The following GBF1 variants were observed in gnomAD, a reference collection of about 807,000 sequenced individuals.
The protein encoded by GBF1 is Golgi-specific brefeldin A-resistance guanine nucleotide exchange factor 1.
Under a neutral mutation model 210.5 loss-of-function variants are expected in GBF1, and 114 were observed. That is an observed-to-expected ratio of 0.54 (90% CI 0.47 to 0.63). The LOEUF (loss-of-function observed/expected upper bound fraction) is 0.63, where lower values mean the gene tolerates loss of function less well. Among genes scored for constraint, GBF1 ranks in the 30% least tolerant of loss-of-function variants. The pLI is 0.00. For synonymous variants in GBF1, 850 were observed against 889.2 expected (o/e 0.96, Z 0.78); for missense variants, 1,851 against 2,357.7 (o/e 0.79, Z 4.45).
chr10:102,279,276 C>CA (rs1289759781), intron 3 of GBF1, among the ~76,000 whole-genome samples: 1 of 152,228 alleles, frequency 6.6e-6, no homozygotes, highest in Non-Finnish European at 1.5e-5. Context: ...AGAATGGCCA[C>CA]ATCACCCAGT....
intron 3 of GBF1, among the ~76,000 whole-genome samples, chr10:102,330,785 G>A (rs2057281375): frequency 6.6e-6 from 1 of 152,182 alleles, no homozygotes; most frequent in South Asian, 2.1e-4. Context: ...TCTTGTGAGG[G>A]TGGTAGATAG....
intron 3 of GBF1, among the ~76,000 whole-genome samples, chr10:102,294,210 T>G (rs1193619461): frequency 1.3e-5 from 2 of 152,028 alleles, no homozygotes; most frequent in Non-Finnish European, 2.9e-5. Flanking sequence ...AAAAATAAAT[T>G]TAATGTAGCC....
At chr10:102,280,047 C>A (rs1367262233) in intron 3 of GBF1, among the ~76,000 whole-genome samples, 1 of 151,730 alleles carries the variant, frequency 6.6e-6, no homozygotes, top group African/African-American at 2.4e-5. Context: ...TCTCTTGAAC[C>A]CCAGAAATCA....
At chr10:102,274,963 T>G (rs2074808296) in intron 3 of GBF1, among the ~76,000 whole-genome samples, 1 of 151,556 alleles carries the variant, frequency 6.6e-6, no homozygotes, top group South Asian at 2.1e-4. Context: ...CTGCCCGCCT[T>G]GGCCTCCCAA....
intron 3 of GBF1, among the ~76,000 whole-genome samples, chr10:102,279,554 G>T (rs1023132026): frequency 2.6e-5 from 4 of 152,134 alleles, no homozygotes; most frequent in African/African-American, 9.7e-5. Flanking sequence ...GAGAGAAAAG[G>T]TTAGGAGAAA....
chr10:102,231,027 G>C, the GBF1 span: 4 of 1,600,582 alleles, frequency 2.5e-6, no homozygotes, highest in Non-Finnish European at 3.4e-6. Context: ...GCGCCGCGAA[G>C]CTGCCTTTGC....
At chr10:102,272,046 CCCAG>C (rs1268149368) in intron 3 of GBF1, among the ~76,000 whole-genome samples, 1 of 152,118 alleles carries the variant, frequency 6.6e-6, no homozygotes, top group Admixed American at 6.5e-5. Flanking sequence ...AGCTATTGCG[CCCAG>C]CCTTATTTCA....
chr10:102,249,804 G>C (rs1590443874), intron 1 of GBF1, among the ~76,000 whole-genome samples: 4 of 151,372 alleles, frequency 2.6e-5, no homozygotes, highest in Admixed American at 6.6e-5. Context: ...CAATTCTCCT[G>C]CCTTAGCCTC....
rs2060921558 is a variant in GBF1, at chr10:102,382,617, A to C, written c.*281A>C. 1 of 399,066 alleles carries C rather than the reference A, an allele frequency of 2.5e-6. No individual in the cohort carries two copies. Among genetic ancestry groups the C allele is most frequent in the Non-Finnish European group, 4.5e-6 (1 of 223,594 alleles). The allele number at this position is 399,066 out of a possible 1,614,324, so 24.7% of individuals were successfully genotyped here. A position where few individuals can be genotyped will look rare whatever the true frequency, so the allele number is the denominator to read the frequency against. ...TGCCTCCAGCCCGGCAGCTCTGGGG[A>C]GGCATCCGTGTGCCGGCCCTGCAGT... On this transcript the variant is annotated 3_prime_UTR_variant, in exon 40 of 40. Coordinates refer to ENST00000369983, the MANE Select transcript of GBF1 (RefSeq NM_001377137.1).
At chr10:102,272,852 T>A (rs1429244788) in intron 3 of GBF1, among the ~76,000 whole-genome samples, 1 of 152,202 alleles carries the variant, frequency 6.6e-6, no homozygotes, top group Non-Finnish European at 1.5e-5. Flanking sequence ...TGTGAGTATT[T>A]TTTAGTGTTT....
Position 102,327,981 on chromosome 10 carries a change from G to T in GBF1, c.164-16070G>T, listed in dbSNP as rs115441604. Among the ~76,000 whole-genome samples the T allele has an allele frequency of 1.7e-4, 26 of 152,298 alleles. 1 individual carries two copies. The highest frequency in any genetic ancestry group is 6.0e-4 in the African/African-American group (25 of 41,558). On this transcript the variant is annotated intron_variant, in intron 3 of 39. Transcript: ENST00000369983. ...TGTCAGCACCTTTCGAGCAAATAAG[G>T]TGTGACTTTTCAGGGTACTGCTGCT...
chr10:102,290,041 G>A (rs2076305133), intron 3 of GBF1, among the ~76,000 whole-genome samples: 1 of 152,066 alleles, frequency 6.6e-6, no homozygotes, highest in Non-Finnish European at 1.5e-5. Context: ...AGCCCAGGAG[G>A]TCAAGACTTC....
rs769024517 is a variant in GBF1, at chr10:102,382,142, A to C, written c.5389A>C (p.Thr1797Pro). 6.2e-7 allele frequency: 1 copy of C among 1,610,712 alleles called. No individual in the cohort carries two copies. Among genetic ancestry groups the C allele is most frequent in the Non-Finnish European group, 8.5e-7 (1 of 1,178,026 alleles). Residue 1797 changes from threonine (T) to proline (P), a missense_variant, in exon 40 of 40, where the codon ACC (threonine) becomes CCC (proline). Transcript: ENST00000369983. ...VASSPSRLSP[T>P]PDGPPPLAQP... ...CTCAAGCCCCAGCAGGCTGAGCCCC[A>C]CCCCCGACGGGCCTCCACCCTTGGC... is the stretch of plus-strand genomic sequence containing the variant.
intron 28 of GBF1, 24 bp downstream of exon 28, chr10:102,370,502 C>CA: frequency 6.4e-7 from 1 of 1,553,754 alleles, no homozygotes; most frequent in Non-Finnish European, 8.9e-7. Context: ...AGTCTTTAGG[C>CA]AGACCCCATG....
At chr10:102,301,843 C>T (rs1251694637) in intron 3 of GBF1, among the ~76,000 whole-genome samples, 5 of 152,216 alleles carry the variant, frequency 3.3e-5, no homozygotes, top group South Asian at 4.1e-4. Flanking sequence ...CAGAGACGCT[C>T]CTCACTTCCC....
chr10:102,266,780 G>A (rs2073912925), intron 3 of GBF1, among the ~76,000 whole-genome samples: 1 of 152,242 alleles, frequency 6.6e-6, no homozygotes, highest in African/African-American at 2.4e-5. Flanking sequence ...CTGGGGGATA[G>A]GATATTTCTT....
chr10:102,269,601 G>C (rs1050665782), intron 3 of GBF1, among the ~76,000 whole-genome samples: 1 of 152,092 alleles, frequency 6.6e-6, no homozygotes, highest in African/African-American at 2.4e-5. Flanking sequence ...CACTGACAGG[G>C]ACTTTTCCAC....
rs776504338 is a variant in GBF1 at position 102,258,942 on chromosome 10, G to A, written c.4G>A (p.Val2Met). M[V>M]DKNIYIIQGE... ...CTGTTTTGGTAGGTTTGCCAAGATG[G>A]TGGATAAGAATATTTACATCATTCA... The change falls in exon 2 of 40, where the codon GTG (valine) becomes ATG (methionine). Residue 2 changes from valine (V) to methionine (M), a missense_variant. Physicochemically the swap from Val to Met is conservative, Grantham distance 21. Coordinates refer to ENST00000369983, the MANE Select transcript of GBF1 (RefSeq NM_001377137.1). 5.1e-6 allele frequency: 8 copies of A among 1,583,592 alleles called. No homozygotes were observed. Among genetic ancestry groups the A allele is most frequent in the Admixed American group, 3.3e-5 (2 of 59,964 alleles).
At chr10:102,279,999 C>T (rs796319518) in intron 3 of GBF1, among the ~76,000 whole-genome samples, 2 of 151,946 alleles carry the variant, frequency 1.3e-5, no homozygotes, top group South Asian at 4.2e-4. Flanking sequence ...TGGCACACAC[C>T]AGTAGTCCCA....
Sources: gnomAD v4.1 joint callset for allele counts (sites outside exome capture counted in the v4.1 genomes callset) on GRCh38, gnomAD v4.1.1 for gene constraint, MANE v1.5 for transcripts, NCBI Gene and HGNC (gene_info 2026-07-23, HGNC 2026-07-21) for gene names.